MSANTD7: variants seen among roughly 807,000 people sequenced by gnomAD.
The protein encoded by MSANTD7 is zinc finger and SCAN domain containing 29.
chr10:14,842,752 T>C, the MSANTD7 span: 1 of 1,536,540 alleles, frequency 6.5e-7, no homozygotes, highest in East Asian at 2.4e-5. This position sits in a 1 kb window ranked among gnomAD's most constrained non-coding sequence, Gnocchi z 5.2. Context: ...TGAAAACAGT[T>C]AAGGCATCAG....
At chr10:14,840,083 A>G in the MSANTD7 span, 2 of 1,410,264 alleles carry the variant, frequency 1.4e-6, no homozygotes, top group African/African-American at 1.4e-5. Flanking sequence ...AGATTGTTGG[A>G]TTGGCAGCAA....
the MSANTD7 span, chr10:14,845,008 A>C: frequency 2.0e-6 from 2 of 985,334 alleles, no homozygotes; most frequent in African/African-American, 3.5e-5. Context: ...GTGGAAGAGA[A>C]CAGCTTTGTT....
chr10:14,843,533 A>C, the MSANTD7 span: 2 of 1,550,696 alleles, frequency 1.3e-6, no homozygotes, highest in South Asian at 2.4e-5. Flanking sequence ...TCCACACCGC[A>C]GACTCCAGTC....
the MSANTD7 span, among the ~76,000 whole-genome samples, chr10:14,841,752 A>G: frequency 6.6e-6 from 1 of 152,218 alleles, no homozygotes; most frequent in Non-Finnish European, 1.5e-5. Flanking sequence ...GATGGGTAAC[A>G]CAGAGCCACA....
chr10:14,842,936 C>A, the MSANTD7 span: 1 of 956,338 alleles, frequency 1.0e-6, no homozygotes, highest in Non-Finnish European at 1.5e-6. The surrounding 1 kb of genome is among the most constrained non-coding windows in gnomAD (Gnocchi z 5.2). Flanking sequence ...TCCTCTTCAG[C>A]ATAGTTCCTG....
At chr10:14,838,407 C>T in the MSANTD7 span, 11 of 1,603,856 alleles carry the variant, frequency 6.9e-6, no homozygotes, top group Non-Finnish European at 9.3e-6. Context: ...TGCCTCATGG[C>T]GGCCATCGGA....
chr10:14,844,453 CTTAATTTTTAA>C, the MSANTD7 span: 1 of 991,204 alleles, frequency 1.0e-6, no homozygotes, highest in Non-Finnish European at 1.2e-6. Flanking sequence ...AGTTTGAAAT[CTTAATTTTTAA>C]AATCCCTGTG....
chr10:14,840,198 CAT>C, the MSANTD7 span: 14 of 976,214 alleles, frequency 1.4e-5, no homozygotes, highest in South Asian at 3.3e-4. Context: ...GTAATAGGAA[CAT>C]GTTCATAAAT....
the MSANTD7 span, chr10:14,840,237 G>C: frequency 4.4e-6 from 3 of 674,316 alleles, no homozygotes; most frequent in African/African-American, 5.6e-5. Flanking sequence ...AAAGAAATTA[G>C]AAACAGCATA....
the MSANTD7 span, chr10:14,840,051 TA>T: frequency 8.3e-7 from 1 of 1,207,778 alleles, no homozygotes; most frequent in Non-Finnish European, 1.1e-6. Context: ...AATATATATA[TA>T]TATATATTAT....
At chr10:14,838,803 G>T in the MSANTD7 span, among the ~76,000 whole-genome samples, 4 of 152,086 alleles carry the variant, frequency 2.6e-5, no homozygotes, top group Admixed American at 6.5e-5. Context: ...GTCCCGGGGG[G>T]TCCCGGGGAC....
chr10:14,843,227 G>T, the MSANTD7 span: 4 of 1,039,028 alleles, frequency 3.8e-6, no homozygotes, highest in Non-Finnish European at 5.6e-6. Flanking sequence ...CCAGATTAAG[G>T]AAATGGATTC....
At chr10:14,846,998 T>C in the MSANTD7 span, 3 of 985,366 alleles carry the variant, frequency 3.0e-6, no homozygotes, top group African/African-American at 1.7e-5. Flanking sequence ...CACTTGTATG[T>C]AGTTGTGGGT....
the MSANTD7 span, chr10:14,846,839 A>G: frequency 1.7e-5 from 17 of 985,424 alleles, no homozygotes; most frequent in African/African-American, 2.8e-4. Context: ...GAGGAAGAGA[A>G]GATGGCATTG....
At chr10:14,845,788 C>G in the MSANTD7 span, 1 of 173,514 alleles carries the variant, frequency 5.8e-6, no homozygotes, top group Non-Finnish European at 1.1e-5. Context: ...TCTTGAACTC[C>G]TGACCTCAGG....
the MSANTD7 span, chr10:14,846,922 G>A: frequency 3.0e-6 from 3 of 985,414 alleles, no homozygotes; most frequent in South Asian, 4.7e-5. Flanking sequence ...AAGGTGCTAT[G>A]TATACCAACT....
chr10:14,845,504 T>C, the MSANTD7 span: 2 of 985,212 alleles, frequency 2.0e-6, no homozygotes, highest in African/African-American at 1.7e-5. Context: ...GCTGGTGTGG[T>C]AGAATATGTT....
At chr10:14,846,306 T>C in the MSANTD7 span, 1 of 985,360 alleles carries the variant, frequency 1.0e-6, no homozygotes, top group Non-Finnish European at 1.2e-6. Context: ...ATAAATCTAT[T>C]AATGGTAGCA....
the MSANTD7 span, among the ~76,000 whole-genome samples, chr10:14,838,873 A>C: frequency 1.3e-5 from 2 of 151,900 alleles, no homozygotes; most frequent in Admixed American, 6.5e-5. Flanking sequence ...TGGATGCCGG[A>C]AGGGGTCTCG....
Sources: allele counts gnomAD v4.1 joint callset (sites outside exome capture counted in the v4.1 genomes callset), GRCh38; gene constraint gnomAD v4.1.1; non-coding constraint Gnocchi (gnomAD v3.1); transcripts MANE v1.5; gene names NCBI Gene and HGNC (gene_info 2026-07-23, HGNC 2026-07-21).